Variants in CDH13 observed in about 807,000 individuals in gnomAD.
CDH13 encodes cadherin 13, also known as cadherin-13.
CDH13 carries 24 observed loss-of-function variants against 63.8 expected under a neutral mutation model. That is an observed-to-expected ratio of 0.38 (90% confidence interval 0.27 to 0.53). The LOEUF (loss-of-function observed/expected upper bound fraction) is 0.53. Ranked by LOEUF, CDH13 falls within the 20% of genes least tolerant of loss-of-function variation. CDH13 has a pLI of 0.85. For synonymous variants in CDH13, 503 were observed against 355.3 expected (o/e 1.42, Z -4.67); for missense variants, 1,049 against 903.1 (o/e 1.16, Z -2.07).
chr16:83,319,656 C>T (rs532148432), intron 5 of CDH13, among the ~76,000 whole-genome samples: 41 of 152,126 alleles, frequency 2.7e-4, no homozygotes, highest in Non-Finnish European at 5.0e-4. Flanking sequence ...AGGAGTGTAG[C>T]GAGTTTCATA....
intron 10 of CDH13, among the ~76,000 whole-genome samples, chr16:83,703,954 C>T (rs987327643): frequency 9.2e-5 from 14 of 152,180 alleles, no homozygotes; most frequent in Admixed American, 4.6e-4. Flanking sequence ...TCCAGATAAC[C>T]CTGCACATTG....
intron 1 of CDH13, among the ~76,000 whole-genome samples, chr16:82,717,788 A>T (rs35385909): frequency 0.15 from 23,224 of 152,218 alleles, 2,172 homozygotes; most frequent in Non-Finnish European, 0.21. Context: ...AAGTTAATAT[A>T]GATGAGTTCT....
intron 6 of CDH13, among the ~76,000 whole-genome samples, chr16:83,429,186 A>G (rs2072011615): frequency 6.6e-6 from 1 of 152,236 alleles, no homozygotes; most frequent in Admixed American, 6.5e-5. Context: ...AACAAGCCAT[A>G]GCATTTACGA....
chr16:83,313,427 T>A (rs983698791), intron 5 of CDH13, among the ~76,000 whole-genome samples: 2 of 152,168 alleles, frequency 1.3e-5, no homozygotes, highest in Non-Finnish European at 2.9e-5. Context: ...CCCCTAAACT[T>A]TCAGCTATCC....
intron 4 of CDH13, among the ~76,000 whole-genome samples, chr16:83,186,522 G>T (rs932722655): frequency 6.6e-6 from 1 of 151,958 alleles, no homozygotes; most frequent in Non-Finnish European, 1.5e-5. Context: ...GCTTTTCGTT[G>T]TCATAGTATT....
At chr16:82,654,288 T>C (rs1162688912) in intron 1 of CDH13, among the ~76,000 whole-genome samples, 2 of 152,160 alleles carry the variant, frequency 1.3e-5, no homozygotes, top group Non-Finnish European at 2.9e-5. Flanking sequence ...TCTTGGTTTC[T>C]TATTCAAGGT....
chr16:83,778,162 A>G (rs1915251526), intron 11 of CDH13, among the ~76,000 whole-genome samples: 2 of 152,244 alleles, frequency 1.3e-5, no homozygotes, highest in African/African-American at 4.8e-5. Context: ...CTAATGCACA[A>G]ATGATTAAAG....
chr16:83,574,966 G>A (rs988254114), intron 7 of CDH13, among the ~76,000 whole-genome samples: 2 of 152,102 alleles, frequency 1.3e-5, no homozygotes, highest in East Asian at 1.9e-4. Flanking sequence ...GCAACATTAC[G>A]ATAATAGCTA....
chr16:82,740,336 G>C (rs909759488), intron 1 of CDH13, among the ~76,000 whole-genome samples: 3 of 152,162 alleles, frequency 2.0e-5, no homozygotes, highest in Non-Finnish European at 2.9e-5. Context: ...GTGAAACTGG[G>C]CTACATTTAA....
intron 7 of CDH13, among the ~76,000 whole-genome samples, chr16:83,509,780 A>G (rs762969513): frequency 2.0e-5 from 3 of 152,200 alleles, no homozygotes; most frequent in Non-Finnish European, 4.4e-5. Context: ...TGAGTCAAGC[A>G]TTGGGCTAAA....
At chr16:83,341,698 G>A (rs181419223) in intron 5 of CDH13, among the ~76,000 whole-genome samples, 2 of 152,188 alleles carry the variant, frequency 1.3e-5, no homozygotes, top group East Asian at 1.9e-4. Flanking sequence ...ATTGTTCTAC[G>A]CAAAAACTCT....
At chr16:83,245,788 G>T (rs113721989) in intron 5 of CDH13, among the ~76,000 whole-genome samples, 11,277 of 151,980 alleles carry the variant, frequency 0.074, 493 homozygotes, top group Non-Finnish European at 0.097. Context: ...TGTCTCCCAG[G>T]CTGGAGTGCA....
At chr16:82,909,727 C>G (rs2041767557) in intron 2 of CDH13, among the ~76,000 whole-genome samples, 1 of 152,094 alleles carries the variant, frequency 6.6e-6, no homozygotes, top group Non-Finnish European at 1.5e-5. Context: ...AATTACCTCC[C>G]ACCGGGTTCC....
chr16:82,790,670 C>G (rs941855709), intron 1 of CDH13, among the ~76,000 whole-genome samples: 1 of 152,162 alleles, frequency 6.6e-6, no homozygotes, highest in African/African-American at 2.4e-5. Flanking sequence ...ACTCACAGTT[C>G]ACCATGGCTG....
At chr16:82,773,012 C>G (rs2035333300) in intron 1 of CDH13, among the ~76,000 whole-genome samples, 1 of 152,118 alleles carries the variant, frequency 6.6e-6, no homozygotes, top group African/African-American at 2.4e-5. Context: ...GCACGAGAGC[C>G]CAGAATCAGT....
intron 4 of CDH13, among the ~76,000 whole-genome samples, chr16:83,137,949 C>T (rs2036369197): frequency 1.3e-5 from 2 of 151,750 alleles, no homozygotes; most frequent in Admixed American, 6.6e-5. Flanking sequence ...GCTCTGGTTC[C>T]CAAATAGGGT....
At chr16:83,284,841 A>G (rs892208809) in intron 5 of CDH13, among the ~76,000 whole-genome samples, 1 of 152,168 alleles carries the variant, frequency 6.6e-6, no homozygotes. Context: ...CCTTTTCAGT[A>G]TACGTTGAAG....
At chr16:83,473,276 A>G (rs1374163743) in intron 6 of CDH13, among the ~76,000 whole-genome samples, 1 of 152,244 alleles carries the variant, frequency 6.6e-6, no homozygotes, top group South Asian at 2.1e-4. Context: ...ACAGCTTGCA[A>G]CATCACCATG....
At chr16:83,415,706 C>G (rs1363486945) in intron 6 of CDH13, among the ~76,000 whole-genome samples, 5 of 152,092 alleles carry the variant, frequency 3.3e-5, no homozygotes, top group African/African-American at 7.2e-5. Context: ...ATTCAGTGCC[C>G]TTTCATGATA....
Sources: allele counts gnomAD v4.1 joint callset (sites outside exome capture counted in the v4.1 genomes callset), GRCh38; gene constraint gnomAD v4.1.1; transcripts MANE v1.5; gene names NCBI Gene and HGNC (gene_info 2026-07-23, HGNC 2026-07-21).